The following PRKAR2B variants were observed in gnomAD, a reference collection of about 807,000 sequenced individuals.
The protein encoded by PRKAR2B is cAMP-dependent protein kinase type II-beta regulatory subunit.
A neutral mutation model predicts 49.9 loss-of-function variants in PRKAR2B; 14 were observed. The observed-to-expected ratio is 0.28, with a 90% CI of 0.19 to 0.44. PRKAR2B has a LOEUF of 0.44. Among genes scored for constraint, PRKAR2B ranks in the 20% least tolerant of loss-of-function variants. The probability of loss-of-function intolerance (pLI) is 1.00; values close to 1 mark genes in which losing one functional copy is unlikely to be tolerated. For missense variants in PRKAR2B, 393 were observed against 537.9 expected (o/e 0.73, Z 2.67); for synonymous variants, 196 against 197.7 (o/e 0.99, Z 0.07).
At chr7:107,058,544 G>A (rs1793958932) in intron 1 of PRKAR2B, among the ~76,000 whole-genome samples, 1 of 151,996 alleles carries the variant, frequency 6.6e-6, no homozygotes, top group Non-Finnish European at 1.5e-5. Flanking sequence ...TGAGATCTTT[G>A]TTTTTACATG....
intron 2 of PRKAR2B, among the ~76,000 whole-genome samples, chr7:107,101,541 G>A (rs1794965944): frequency 6.6e-6 from 1 of 152,204 alleles, no homozygotes; most frequent in Admixed American, 6.5e-5. Flanking sequence ...TTTATCAAGT[G>A]CCTCCGTGTC....
chr7:107,073,194 C>T (rs766629278), intron 2 of PRKAR2B, among the ~76,000 whole-genome samples: 67 of 152,072 alleles, frequency 4.4e-4, no homozygotes, highest in Non-Finnish European at 3.7e-4. Flanking sequence ...CAAAACATTT[C>T]CCCTTTGGAT....
chr7:107,151,162 G>T, intron 7 of PRKAR2B, 139 bp downstream of exon 7: 1 of 513,236 alleles, frequency 1.9e-6, no homozygotes, highest in South Asian at 3.7e-5. Flanking sequence ...AAATGGTAGT[G>T]CTAATTTTTA....
In PRKAR2B at chr7:107,113,079, G is replaced by A. The variant is rs145425872; in HGVS notation, c.344-8873G>A. 4.7e-3 allele frequency among the ~76,000 whole-genome samples: 709 copies of A among 152,196 alleles called. 17 individuals carry two copies. Among genetic ancestry groups the A allele is most frequent in the East Asian group, 2.5e-3 (13 of 5,186 alleles). On this transcript the variant is annotated intron_variant, in intron 2 of 10. Transcript: ENST00000265717. ...ATATTAATAAATTGGGAAGGATTCC[G>A]TAATATTTCTGTTCCTATAATTCTC...
intron 2 of PRKAR2B, among the ~76,000 whole-genome samples, chr7:107,091,402 C>T (rs1794730937): frequency 6.6e-6 from 1 of 152,152 alleles, no homozygotes; most frequent in African/African-American, 2.4e-5. Flanking sequence ...TGACTCTCCT[C>T]CCAGAGGAGG....
intron 2 of PRKAR2B, among the ~76,000 whole-genome samples, chr7:107,095,118 T>C (rs1186989558): frequency 2.0e-5 from 3 of 152,238 alleles, no homozygotes; most frequent in Non-Finnish European, 1.5e-5. Flanking sequence ...TTTCATGATA[T>C]TGATTCTTCC....
intron 5 of PRKAR2B, among the ~76,000 whole-genome samples, chr7:107,145,416 A>T (rs143157049): frequency 1.5e-3 from 227 of 152,320 alleles, no homozygotes; most frequent in African/African-American, 5.2e-3. Flanking sequence ...ATTCTTTTTA[A>T]AAAGTTATTT....
At chr7:107,132,603 T>G (rs1795623042) in intron 4 of PRKAR2B, among the ~76,000 whole-genome samples, 2 of 151,890 alleles carry the variant, frequency 1.3e-5, no homozygotes, top group African/African-American at 4.8e-5. Context: ...AACTTGGTAC[T>G]TGGTGATTGA....
At chr7:107,065,310 C>T (rs977305634) in intron 1 of PRKAR2B, among the ~76,000 whole-genome samples, 7 of 138,084 alleles carry the variant, frequency 5.1e-5, no homozygotes, top group African/African-American at 1.4e-4. Flanking sequence ...TTTGTTTGCT[C>T]GGGGTGTGTG....
chr7:107,105,033 C>T lies in PRKAR2B; in HGVS notation c.344-16919C>T, dbSNP rs565442097. Among the ~76,000 whole-genome samples, 320 of 152,268 alleles carry T rather than the reference C, an allele frequency of 2.1e-3. 2 individuals carry two copies. Among genetic ancestry groups the T allele is most frequent in the African/African-American group, 7.3e-3 (303 of 41,550 alleles). On this transcript the variant is annotated intron_variant, in intron 2 of 10. Coordinates refer to ENST00000265717, the MANE Select transcript of PRKAR2B (RefSeq NM_002736.3). Reference sequence around the variant, plus strand: ...TGGGTACTGACAGGGCCAGTTAGTACTTTAAAGTCTATACTTTAAAAGCTT... The same window carrying T: ...TGGGTACTGACAGGGCCAGTTAGTATTTTAAAGTCTATACTTTAAAAGCTT...
chr7:107,083,214 CA>C (rs1394241896), intron 2 of PRKAR2B, among the ~76,000 whole-genome samples: 11,328 of 115,096 alleles, frequency 0.098, 499 homozygotes, highest in Middle Eastern at 0.21. Context: ...GAGACTGTCT[CA>C]AAAAAAAAAA....
intron 4 of PRKAR2B, among the ~76,000 whole-genome samples, chr7:107,139,415 G>A (rs1466720712): frequency 6.6e-6 from 1 of 152,188 alleles, no homozygotes; most frequent in African/African-American, 2.4e-5. Context: ...TCTGGGAGGA[G>A]TTGAGGGTCC....
intron 10 of PRKAR2B, 52 bp downstream of exon 10, chr7:107,157,376 T>G: frequency 6.4e-7 from 1 of 1,560,760 alleles, no homozygotes; most frequent in Non-Finnish European, 8.7e-7. Context: ...TATGTCTGCA[T>G]TTTATGTATT....
intron 1 of PRKAR2B, among the ~76,000 whole-genome samples, chr7:107,054,006 A>C (rs1793860413): frequency 6.6e-6 from 1 of 152,236 alleles, no homozygotes; most frequent in Non-Finnish European, 1.5e-5. Flanking sequence ...AAGTGTAAAA[A>C]TACATGAAAG....
chr7:107,154,290 C>G (rs1403678544), intron 8 of PRKAR2B, among the ~76,000 whole-genome samples: 2 of 152,212 alleles, frequency 1.3e-5, no homozygotes, highest in Admixed American at 1.3e-4. Flanking sequence ...CACCCAGTTT[C>G]TCCTAATGCG....
chr7:107,084,957 G>A (rs539374259), intron 2 of PRKAR2B, among the ~76,000 whole-genome samples: 1 of 152,008 alleles, frequency 6.6e-6, no homozygotes, highest in Non-Finnish European at 1.5e-5. Context: ...AAATCAAACA[G>A]AAGATTAATA....
At chr7:107,122,182 G>T (rs145580458) in intron 3 of PRKAR2B, among the ~76,000 whole-genome samples, 178 bp downstream of exon 3, 9 of 152,262 alleles carry the variant, frequency 5.9e-5, no homozygotes, top group African/African-American at 1.9e-4. Flanking sequence ...GAGTCTTGCA[G>T]AATTATTTTT....
intron 2 of PRKAR2B, among the ~76,000 whole-genome samples, chr7:107,115,643 G>T (rs983827705): frequency 1.3e-5 from 2 of 152,058 alleles, no homozygotes; most frequent in Admixed American, 1.3e-4. Context: ...TCCTCCATTT[G>T]CCTTAAGCCA....
At chr7:107,052,291 C>T (rs973477019) in intron 1 of PRKAR2B, among the ~76,000 whole-genome samples, 3 of 151,992 alleles carry the variant, frequency 2.0e-5, no homozygotes, top group Non-Finnish European at 2.9e-5. Context: ...TGGTGGCGGG[C>T]GCCTTAATCC....
Sources: allele counts gnomAD v4.1 joint callset (sites outside exome capture counted in the v4.1 genomes callset), GRCh38; gene constraint gnomAD v4.1.1; transcripts MANE v1.5; gene names NCBI Gene and HGNC (gene_info 2026-07-23, HGNC 2026-07-21).